GFM1: variants seen among roughly 807,000 people sequenced by gnomAD.
The protein encoded by GFM1 is G elongation factor mitochondrial 1, also known as elongation factor G, mitochondrial.
GFM1 carries 62 observed loss-of-function variants against 96.2 expected under a neutral mutation model. The observed-to-expected ratio is 0.64, with a 90% confidence interval of 0.53 to 0.80. The LOEUF (loss-of-function observed/expected upper bound fraction) is 0.80, where lower values mean the gene tolerates loss of function less well. Among genes scored for constraint, GFM1 ranks in the 30% least tolerant of loss-of-function variants. The probability of loss-of-function intolerance (pLI) is 0.00; values close to 1 mark genes in which losing one functional copy is unlikely to be tolerated. For missense variants in GFM1, 852 were observed against 916.6 expected, an observed-to-expected ratio of 0.93 and a Z score of 0.91; for synonymous variants, 282 against 312.9, an observed-to-expected ratio of 0.90 and a Z score of 1.04.
At chr3:158,689,960 A>G (rs1354719852) in intron 15 of GFM1, among the ~76,000 whole-genome samples, 2 of 152,164 alleles carry the variant, frequency 1.3e-5, no homozygotes, top group South Asian at 2.1e-4. Flanking sequence ...GGAAATACCA[A>G]TATTAAAATT....
chr3:158,688,365 T>C (rs189932550), intron 15 of GFM1, among the ~76,000 whole-genome samples: 1 of 152,292 alleles, frequency 6.6e-6, no homozygotes, highest in Non-Finnish European at 1.5e-5. Flanking sequence ...TGGAACTAAA[T>C]CAGGGAGTAG....
rs1009153653 is a variant in GFM1, at chr3:158,693,361, A to C, written c.*1894A>C. On this transcript the variant is annotated 3_prime_UTR_variant, in exon 18 of 18. Transcript: ENST00000486715. ...GAGAATAGTCACAACTACTGGAACT[A>C]AACTGGATAAATAAGTAAAAAACTT... 2.6e-5 allele frequency: 4 copies of C among 152,210 alleles called. No individual in the cohort carries two copies. Among genetic ancestry groups the C allele is most frequent in the African/African-American group, 9.7e-5 (4 of 41,450 alleles). 9.4% of individuals were successfully genotyped at this position (152,210 alleles called of 1,614,324 possible).
intron 7 of GFM1, among the ~76,000 whole-genome samples, chr3:158,654,070 CA>C (rs113232411): frequency 7.0e-5 from 10 of 141,848 alleles, no homozygotes; most frequent in Non-Finnish European, 1.2e-4. Context: ...AATAAGATTC[CA>C]AAAAAAAAAG....
At chr3:158,666,613 A>G (rs1362192014) in intron 13 of GFM1, 3 of 1,567,172 alleles carry the variant, frequency 1.9e-6, no homozygotes, top group Non-Finnish European at 2.6e-6. Flanking sequence ...ACATCAATAG[A>G]CATGTTTACA....
At chr3:158,669,429 A>G (rs1403976624) in intron 13 of GFM1, 2 of 1,603,868 alleles carry the variant, frequency 1.2e-6, no homozygotes, top group South Asian at 1.1e-5. Context: ...CCATATTTAT[A>G]TACCTGGAAT....
chr3:158,651,711 A>C (rs1722308328), intron 5 of GFM1, among the ~76,000 whole-genome samples: 2 of 152,230 alleles, frequency 1.3e-5, no homozygotes, highest in African/African-American at 4.8e-5. Flanking sequence ...TTGAGTAAGG[A>C]TAAACCAGGT....
rs936622296 is a variant in GFM1 at position 158,665,622 on chromosome 3, T to G, written c.1518+148T>G. The stretch of plus-strand genomic sequence containing the variant: ...TATCCAGATGTGGTCTACTGCTTCC[T>G]CTACTATGTGTTACAAAATAATTAT... On this transcript the variant is annotated intron_variant, in intron 12 of 17. Transcript: ENST00000486715. 28 of 697,164 alleles carry G rather than the reference T, an allele frequency of 4.0e-5. No homozygotes were observed. The Admixed American group carries it at 6.8e-4, about 17-fold the overall frequency. 43.2% of individuals were successfully genotyped at this position (697,164 alleles called of 1,614,324 possible).
chr3:158,651,268 A>C (rs1393497044), intron 5 of GFM1, among the ~76,000 whole-genome samples: 2 of 152,146 alleles, frequency 1.3e-5, no homozygotes, highest in Admixed American at 1.3e-4. Context: ...TTATTAATGG[A>C]AAGGAATAGA....
At chr3:158,683,215 C>T (rs941891988) in intron 14 of GFM1, among the ~76,000 whole-genome samples, 3 of 152,150 alleles carry the variant, frequency 2.0e-5, no homozygotes, top group Admixed American at 6.5e-5. Flanking sequence ...GATTCACACA[C>T]TTTAAATTCT....
At chr3:158,651,227 T>G (rs1305665040) in intron 5 of GFM1, among the ~76,000 whole-genome samples, 1 of 152,152 alleles carries the variant, frequency 6.6e-6, no homozygotes, top group Non-Finnish European at 1.5e-5. Context: ...AATTGGGATA[T>G]TCTTTGTTAA....
chr3:158,673,673 G>A (rs6767485), intron 13 of GFM1, among the ~76,000 whole-genome samples: 63,007 of 151,382 alleles, frequency 0.42, 14,246 homozygotes, highest in African/African-American at 0.6. Flanking sequence ...CACAATGCCC[G>A]GCTAGTTTTT....
chr3:158,649,888 T>C, intron 5 of GFM1: 2 of 799,168 alleles, frequency 2.5e-6, no homozygotes, highest in Non-Finnish European at 4.1e-6. Flanking sequence ...CAGTTGATGC[T>C]GCTCTTACAG....
chr3:158,665,962 A>C (rs1242695455), intron 12 of GFM1, among the ~76,000 whole-genome samples: 1 of 152,236 alleles, frequency 6.6e-6, no homozygotes, highest in Non-Finnish European at 1.5e-5. Context: ...AATTTTGGTG[A>C]GATCTTATCT....
chr3:158,647,816 CATTT>C (rs1721955141), intron 4 of GFM1, among the ~76,000 whole-genome samples: 1 of 152,182 alleles, frequency 6.6e-6, no homozygotes, highest in African/African-American at 2.4e-5. Flanking sequence ...ACTGTTTTAG[CATTT>C]ATTTGATTAC....
At chr3:158,651,914 T>C (rs1722324849) in intron 5 of GFM1, among the ~76,000 whole-genome samples, 182 bp from the exon 6 acceptor site, 1 of 152,216 alleles carries the variant, frequency 6.6e-6, no homozygotes, top group East Asian at 1.9e-4. Flanking sequence ...TTCAGTATAT[T>C]TATCTACTAT....
At chr3:158,684,860 A>G (rs1725705738) in intron 15 of GFM1, 192 bp downstream of exon 15, 1 of 594,514 alleles carries the variant, frequency 1.7e-6, no homozygotes. Context: ...CAAAGCTAAA[A>G]GACTACTGTA....
chr3:158,684,375 G>T, intron 14 of GFM1, 149 bp from the exon 15 acceptor site: 2 of 743,770 alleles, frequency 2.7e-6, no homozygotes, highest in Non-Finnish European at 2.2e-6. Flanking sequence ...TAGTAAAGTT[G>T]TTAAACATTT....
chr3:158,681,545 T>C (rs1725383222), intron 13 of GFM1, among the ~76,000 whole-genome samples: 1 of 152,166 alleles, frequency 6.6e-6, no homozygotes. Context: ...CCTGAGTCTA[T>C]AATGCCCAAG....
intron 13 of GFM1, chr3:158,666,959 C>G (rs1723753252): frequency 2.6e-6 from 4 of 1,564,094 alleles, no homozygotes; most frequent in Admixed American, 2.0e-5. Context: ...TGTGGCTATA[C>G]AAGGAGTCTC....
Sources: gnomAD v4.1 joint callset for allele counts (sites outside exome capture counted in the v4.1 genomes callset) on GRCh38, gnomAD v4.1.1 for gene constraint, MANE v1.5 for transcripts, NCBI Gene and HGNC (gene_info 2026-07-23, HGNC 2026-07-21) for gene names.